FRAS1: variants seen among roughly 807,000 people sequenced by gnomAD.
The protein encoded by FRAS1 is extracellular matrix organizing protein FRAS1.
FRAS1 carries 290 observed loss-of-function variants against 435.2 expected under a neutral mutation model. The observed-to-expected ratio is 0.67, with a 90% CI of 0.61 to 0.73. The LOEUF is 0.73. FRAS1 is among the 30% of genes least tolerant of loss of function. FRAS1 has a pLI of 0.00. For missense variants in FRAS1, 4,860 were observed against 5,001.5 expected (o/e 0.97, Z 0.85); for synonymous variants, 1,800 against 1,851.0 (o/e 0.97, Z 0.71).
At chr4:78,518,422 G>GTGTATATA (rs1397809156) in intron 66 of FRAS1, among the ~76,000 whole-genome samples, 2 of 135,722 alleles carry the variant, frequency 1.5e-5, no homozygotes, top group African/African-American at 6.1e-5. Flanking sequence ...TTTTTGTTGT[G>GTGTATATA]TATATATATA....
At chr4:78,080,892 C>T (rs186967271) in intron 2 of FRAS1, among the ~76,000 whole-genome samples, 1 of 152,302 alleles carries the variant, frequency 6.6e-6, no homozygotes, top group Admixed American at 6.5e-5. Flanking sequence ...AGACTTGAAA[C>T]TGGGATGTGC....
chr4:78,390,976 C>T (rs756908749), intron 29 of FRAS1, among the ~76,000 whole-genome samples: 5 of 152,232 alleles, frequency 3.3e-5, no homozygotes, highest in Non-Finnish European at 5.9e-5. Flanking sequence ...TGAACAGGGA[C>T]TATTCCAGTC....
Position 78,308,100 on chromosome 4 carries a change from A to G in FRAS1, c.1569A>G (p.Pro523=). 1 of 1,613,732 alleles carries G rather than the reference A, an allele frequency of 6.2e-7. No homozygotes were observed. Among genetic ancestry groups the G allele is most frequent in the Non-Finnish European group, 8.5e-7 (1 of 1,179,726 alleles). ...AGTCCTGTGCAGGTTGCTGGGGCCC[A>G]ACGGAGAAGCACTGCTTGGCCTGCA... The part of the protein sequence containing the change: ...CHESCAGCWG[P]TEKHCLACRD... The change falls in exon 15 of 74, where the codon CCA becomes CCG. Residue 523 remains proline, a synonymous_variant. Coordinates refer to ENST00000512123, the MANE Select transcript of FRAS1 (RefSeq NM_025074.7).
At chr4:78,481,417 A>AG (rs1285968626) in intron 56 of FRAS1, among the ~76,000 whole-genome samples, 1 of 152,192 alleles carries the variant, frequency 6.6e-6, no homozygotes, top group East Asian at 1.9e-4. Flanking sequence ...CACATCCCTG[A>AG]GGCCCCAGGC....
chr4:78,123,480 G>T lies in FRAS1; in HGVS notation c.108+57464G>T, dbSNP rs915867618. Among the ~76,000 whole-genome samples the T allele has an allele frequency of 3.2e-4, 49 of 152,146 alleles. 1 individual carries two copies. The highest frequency in any genetic ancestry group is 5.7e-4 in the Non-Finnish European group (39 of 68,030). ...TGCAGGCTCTTTTTTGGTTCCATAT[G>T]AAGTTTTAAGTAGTTTTTTCCAGTT... On this transcript the variant is annotated intron_variant, in intron 2 of 73. Coordinates refer to ENST00000512123, the MANE Select transcript of FRAS1 (RefSeq NM_025074.7).
chr4:78,526,615 C>A lies in FRAS1; in HGVS notation c.10883C>A (p.Pro3628Gln). The change falls in exon 70 of 74, where the codon CCA becomes CAA. Residue 3628 changes from proline (P) to glutamine (Q), a missense_variant. Physicochemically the swap from Pro to Gln is moderately conservative, Grantham distance 76 (BLOSUM62 -1). Transcript: ENST00000512123. ...TVQPTQPWVDPGEKPLACTAH... is the reference protein window; with the variant it reads ...TVQPTQPWVDQGEKPLACTAH... ...CAGCCCACACAGCCATGGGTTGACC[C>A]AGGAGAGAAGCCTTTGGCCTGCACT... 1 of 1,598,772 alleles carries A rather than the reference C, an allele frequency of 6.3e-7. No homozygotes were observed. The highest frequency in any genetic ancestry group is 2.3e-5 in the East Asian group (1 of 44,030).
chr4:78,441,019 A>G, intron 40 of FRAS1, 143 bp from the exon 41 acceptor site: 2 of 694,848 alleles, frequency 2.9e-6, no homozygotes, highest in Non-Finnish European at 2.4e-6. Context: ...CACATTCCTC[A>G]TCTCGTCTGT....
intron 2 of FRAS1, chr4:78,181,037 C>G (rs1721977289): frequency 6.3e-7 from 1 of 1,583,576 alleles, no homozygotes. Flanking sequence ...CCAGCTGAGA[C>G]GTTATATCAT....
Position 78,464,492 on chromosome 4 carries a change from C to A in FRAS1, c.6938C>A (p.Pro2313His). The change falls in exon 49 of 74, where the codon CCC becomes CAC. Residue 2313 changes from proline (P) to histidine (H), a missense_variant. Coordinates refer to ENST00000512123, the MANE Select transcript of FRAS1 (RefSeq NM_025074.7). ...ITLHPVDDSL[P>H]VVQNLGMRVQ... ...CTTCACCCTGTCGATGATTCGCTGC[C>A]CGTCGTACAGAACTTAGGAATGCGG... 6.2e-7 allele frequency: 1 copy of A among 1,613,974 alleles called. No individual in the cohort carries two copies. The highest frequency in any genetic ancestry group is 8.5e-7 in the Non-Finnish European group (1 of 1,179,868).
At position 78,286,405 on chromosome 4, in the gene FRAS1, C is replaced by A; in HGVS notation, c.1400C>A (p.Ala467Asp). The A allele has an allele frequency of 6.2e-7, 1 of 1,613,382 alleles. No individual in the cohort carries two copies. Among genetic ancestry groups the A allele is most frequent in the Non-Finnish European group, 8.5e-7 (1 of 1,179,874 alleles). ...GFYQAGSLCL[A>D]CQPQCSTCTS... is the part of the protein sequence containing the mutation. ...TTTCTTCAACATTATCTGGAGTCAG[C>A]CTGCCAGCCCCAGTGCTCCACGTGT... Residue 467 changes from alanine (A) to aspartate (D), a missense_variant and splice_region_variant, in exon 14 of 74, where the codon GCC becomes GAC. Physicochemically the swap from Ala to Asp is moderately radical, Grantham distance 126. Transcript: ENST00000512123.
intron 4 of FRAS1, among the ~76,000 whole-genome samples, chr4:78,249,671 G>A (rs1163287896): frequency 6.6e-6 from 1 of 152,088 alleles, no homozygotes; most frequent in African/African-American, 2.4e-5. Flanking sequence ...TGGGAAGGGA[G>A]AACCCATTGC....
chr4:78,406,675 G>GACCAAC (rs11281572), intron 30 of FRAS1, among the ~76,000 whole-genome samples: 2 of 152,002 alleles, frequency 1.3e-5, no homozygotes, highest in East Asian at 3.9e-4. Context: ...CAAGAAAGAT[G>GACCAAC]ATCTTTAAGC....
At chr4:78,144,555 T>G (rs1469933833) in intron 2 of FRAS1, among the ~76,000 whole-genome samples, 1 of 152,090 alleles carries the variant, frequency 6.6e-6, no homozygotes, top group Non-Finnish European at 1.5e-5. Flanking sequence ...CATTTTTTAT[T>G]GTAAAGTGAT....
intron 2 of FRAS1, among the ~76,000 whole-genome samples, chr4:78,185,465 C>T (rs893028708): frequency 7.2e-5 from 11 of 152,078 alleles, no homozygotes; most frequent in African/African-American, 2.2e-4. Context: ...CCTATGCTCA[C>T]GGGATTGTTT....
chr4:78,534,637 C>T, intron 71 of FRAS1, 22 bp downstream of exon 71: 1 of 1,607,994 alleles, frequency 6.2e-7, no homozygotes, highest in Non-Finnish European at 8.5e-7. Flanking sequence ...CCTCCACCTG[C>T]AGAAAGAGGC....
rs1255622795 is a variant in FRAS1 at position 78,124,314 on chromosome 4, G to A, written c.108+58298G>A. Among the ~76,000 whole-genome samples the A allele has an allele frequency of 2.6e-5, 4 of 152,262 alleles. No individual in the cohort carries two copies. In the East Asian group the frequency reaches 7.7e-4, roughly 29 times the overall value. ...ATGTTGAATCAGCCTTGCATCCCAG[G>A]GATGAAGCCAACTTGATCGTGGTGG... On this transcript the variant is annotated intron_variant, in intron 2 of 73. Coordinates refer to ENST00000512123, the MANE Select transcript of FRAS1 (RefSeq NM_025074.7).
At chr4:78,277,261 C>T (rs1212986139) in intron 9 of FRAS1, among the ~76,000 whole-genome samples, 1 of 152,194 alleles carries the variant, frequency 6.6e-6, no homozygotes, top group Non-Finnish European at 1.5e-5. Context: ...CCTTGCACTT[C>T]CCTGGTGAGG....
chr4:78,390,464 C>G (rs1474659667), intron 29 of FRAS1, among the ~76,000 whole-genome samples: 1 of 152,174 alleles, frequency 6.6e-6, no homozygotes, highest in Non-Finnish European at 1.5e-5. Context: ...AGTGTGTCTG[C>G]CTCCTACATT....
chr4:78,325,503 T>C (rs1729683372), intron 18 of FRAS1, among the ~76,000 whole-genome samples: 1 of 152,264 alleles, frequency 6.6e-6, no homozygotes, highest in South Asian at 2.1e-4. Flanking sequence ...GCATATGGAA[T>C]CTATATTAAG....
Sources: gnomAD v4.1 joint callset for allele counts (sites outside exome capture counted in the v4.1 genomes callset) on GRCh38, gnomAD v4.1.1 for gene constraint, MANE v1.5 for transcripts, NCBI Gene and HGNC (gene_info 2026-07-23, HGNC 2026-07-21) for gene names.